RGPD2: variants seen among roughly 807,000 people sequenced by gnomAD.
RGPD2 encodes the protein RANBP2-like and GRIP domain-containing protein 2.
Under a neutral mutation model 36.0 loss-of-function variants are expected in RGPD2, and 2 were observed. That is an observed-to-expected ratio of 0.06 (90% CI 0.02 to 0.17). RGPD2 has a LOEUF of 0.17. RGPD2 is among the 10% of genes least tolerant of loss of function. RGPD2 has a pLI of 1.00. For synonymous variants in RGPD2, 19 were observed against 163.8 expected (o/e 0.12, Z 6.75); for missense variants, 40 against 464.3 (o/e 0.09, Z 8.40).
At chr2:87,922,031 C>T in the RGPD2 span, among the ~76,000 whole-genome samples, 2 of 151,346 alleles carry the variant, frequency 1.3e-5, no homozygotes, top group South Asian at 2.1e-4. Context: ...CGGTGGCTCA[C>T]GCCTGTAATC....
the RGPD2 span, among the ~76,000 whole-genome samples, chr2:87,958,149 TTAAACTC>T: frequency 6.6e-6 from 1 of 152,002 alleles, no homozygotes; most frequent in African/African-American, 2.4e-5. Flanking sequence ...GATGTCTAAT[TTAAACTC>T]TAAACAGACT....
the RGPD2 span, among the ~76,000 whole-genome samples, chr2:87,929,003 G>A: frequency 9.9e-5 from 15 of 151,478 alleles, no homozygotes; most frequent in Non-Finnish European, 1.9e-4. Flanking sequence ...GTAGGTTGTC[G>A]GGTTACTCTA....
chr2:87,858,151 G>A, the RGPD2 span, among the ~76,000 whole-genome samples: 5 of 152,230 alleles, frequency 3.3e-5, no homozygotes, highest in East Asian at 5.8e-4. Flanking sequence ...GGTGGTGCGT[G>A]CCTGTAATCC....
chr2:87,973,480 G>A, the RGPD2 span, among the ~76,000 whole-genome samples: 2 of 131,398 alleles, frequency 1.5e-5, no homozygotes, highest in South Asian at 2.5e-4. Flanking sequence ...CATCCCATAC[G>A]TAGTTTTGAG....
chr2:87,909,100 A>G, the RGPD2 span, among the ~76,000 whole-genome samples: 10 of 150,554 alleles, frequency 6.6e-5, no homozygotes, highest in Non-Finnish European at 7.4e-5. Context: ...GGGATGGGGT[A>G]TGATTTGGAG....
the RGPD2 span, among the ~76,000 whole-genome samples, chr2:87,923,238 CA>C: frequency 6.6e-6 from 1 of 151,528 alleles, no homozygotes; most frequent in Admixed American, 6.6e-5. Flanking sequence ...CATAGGGAGA[CA>C]AAAAAAATAA....
chr2:87,852,799 A>G, the RGPD2 span, among the ~76,000 whole-genome samples: 6 of 152,284 alleles, frequency 3.9e-5, no homozygotes, highest in African/African-American at 1.4e-4. Flanking sequence ...TTCCCTAACT[A>G]TTTTATTTAA....
chr2:87,813,985 G>A (rs892746106), intron 4 of RGPD2, among the ~76,000 whole-genome samples: 18 of 151,490 alleles, frequency 1.2e-4, no homozygotes, highest in Admixed American at 1.3e-4. Flanking sequence ...TTGTTACACT[G>A]CAAGAAAACA....
chr2:87,860,128 G>T, the RGPD2 span, among the ~76,000 whole-genome samples: 1 of 152,042 alleles, frequency 6.6e-6, no homozygotes, highest in South Asian at 2.1e-4. Flanking sequence ...CCAATGCTTT[G>T]GTGTGTTAGT....
intron 4 of RGPD2, among the ~76,000 whole-genome samples, chr2:87,813,869 T>C (rs1332949152): frequency 6.8e-6 from 1 of 147,444 alleles, no homozygotes; most frequent in Non-Finnish European, 1.5e-5. Flanking sequence ...ATAAATCTCA[T>C]GGATTTCAAT....
At chr2:87,832,449 T>C in the RGPD2 span, among the ~76,000 whole-genome samples, 2 of 151,814 alleles carry the variant, frequency 1.3e-5, no homozygotes, top group Non-Finnish European at 1.5e-5. Flanking sequence ...ACAGAAAAGA[T>C]ATACCACACA....
chr2:87,985,970 C>T, the RGPD2 span: 2 of 1,271,456 alleles, frequency 1.6e-6, no homozygotes, highest in Non-Finnish European at 2.2e-6. Flanking sequence ...TTTCTTTTCC[C>T]CTTTCAATAA....
chr2:87,984,957 G>A, the RGPD2 span, among the ~76,000 whole-genome samples: 1 of 147,676 alleles, frequency 6.8e-6, no homozygotes, highest in Admixed American at 6.8e-5. Context: ...AAAAGGATTT[G>A]GTGTGCAAGG....
chr2:87,922,247 C>T, the RGPD2 span, among the ~76,000 whole-genome samples: 5 of 131,034 alleles, frequency 3.8e-5, no homozygotes, highest in Admixed American at 8.8e-5. Flanking sequence ...GAACCAAGAT[C>T]GAGCCACTGC....
intron 1 of RGPD2, among the ~76,000 whole-genome samples, chr2:87,824,272 G>A (rs1432251829): frequency 1.3e-5 from 2 of 151,744 alleles, no homozygotes; most frequent in Non-Finnish European, 2.9e-5. Context: ...GATTACAGAC[G>A]AAGAATATTT....
intron 17 of RGPD2, among the ~76,000 whole-genome samples, chr2:87,790,575 GGACTA>G (rs1181405860): frequency 9.6e-6 from 1 of 104,518 alleles, no homozygotes; most frequent in Non-Finnish European, 2.1e-5. Flanking sequence ...TCAAGCTCAT[GGACTA>G]GTGCTCCACT....
At chr2:87,937,050 A>G in the RGPD2 span, among the ~76,000 whole-genome samples, 1 of 151,846 alleles carries the variant, frequency 6.6e-6, no homozygotes, top group Non-Finnish European at 1.5e-5. Context: ...CAGTCAGAAA[A>G]TTAATAGTGG....
In RGPD2 at chr2:87,756,387, C is replaced by A. The variant is rs1323507696; in HGVS notation, c.*1005G>T. On this transcript the variant is annotated 3_prime_UTR_variant, in exon 23 of 23. Coordinates refer to ENST00000398146, the MANE Select transcript of RGPD2 (RefSeq NM_001078170.3). Reference sequence around the variant, plus strand: ...TCAGCCTCGGAAAAGCCTGCCATTCCCCCATCTAAAAACCCTTTCCCCATT... The same window carrying A: ...TCAGCCTCGGAAAAGCCTGCCATTCACCCATCTAAAAACCCTTTCCCCATT... The A allele has an allele frequency of 6.8e-6, 1 of 147,598 alleles. No homozygotes were observed. The highest frequency in any genetic ancestry group is 1.5e-5 in the Non-Finnish European group (1 of 66,808). The allele number at this position is 147,598 out of a possible 1,614,324, so 9.1% of individuals were successfully genotyped here.
chr2:87,972,226 G>T, the RGPD2 span, among the ~76,000 whole-genome samples: 1 of 147,944 alleles, frequency 6.8e-6, no homozygotes, highest in Non-Finnish European at 1.5e-5. Flanking sequence ...ATCCTATAAG[G>T]CAGATTGATG....
Sources: gnomAD v4.1 joint callset for allele counts (sites outside exome capture counted in the v4.1 genomes callset) on GRCh38, gnomAD v4.1.1 for gene constraint, MANE v1.5 for transcripts, NCBI Gene and HGNC (gene_info 2026-07-23, HGNC 2026-07-21) for gene names.